Variants in FBXW5 observed in about 807,000 individuals in gnomAD.
The protein encoded by FBXW5 is F-box/WD repeat-containing protein 5.
FBXW5 carries 74 observed loss-of-function variants against 50.9 expected under a neutral mutation model. The observed-to-expected ratio is 1.45, with a 90% CI of 1.20 to 1.76. The LOEUF is 1.76. FBXW5 is among the 40% of genes most tolerant of loss of function. The pLI is 0.00. For missense variants in FBXW5, 1,073 were observed against 818.8 expected (o/e 1.31, Z -3.79); for synonymous variants, 523 against 362.2 (o/e 1.44, Z -5.04).
chr9:136,943,261 C>A lies in FBXW5; in HGVS notation c.351+88G>T, dbSNP rs570708813. On this transcript the variant is annotated intron_variant, in intron 3 of 8. Transcript: ENST00000325285. ...CTGGCCTGACCCACCCCCCCCCCCACCACCACCTGGTTGGAACGCCTGGGT... is the reference window on the plus strand; with the variant it reads ...CTGGCCTGACCCACCCCCCCCCCCAACACCACCTGGTTGGAACGCCTGGGT... 3.2e-4 allele frequency: 432 copies of A among 1,362,970 alleles called. No homozygotes were observed. The African/African-American group carries it at 6.1e-3, about 19-fold the overall frequency. The allele number at this position is 1,362,970 out of a possible 1,614,324, so 84.4% of individuals were successfully genotyped here.
At chr9:136,943,064 A>C (rs886831224) in intron 3 of FBXW5, 121 bp from the exon 4 acceptor site, 130 of 1,465,244 alleles carry the variant, frequency 8.9e-5, no homozygotes, top group East Asian at 7.7e-4. Flanking sequence ...GGGAGCAGGG[A>C]CCCCTTCCAG....
chr9:136,941,048 G>A lies in FBXW5; in HGVS notation c.1581C>T (p.Leu527=). ...TGATGGTGGCGTCGTCGCTGGCCGT[G>A]AGCAGCAGCTCCTGCTCCTGGGGAC... ...VFSPQEQELL[L]TASDDATIKA... The change falls in exon 9 of 9, where the codon CTC becomes CTT. Residue 527 remains leucine, a synonymous_variant. Transcript: ENST00000325285. 4 of 1,555,900 alleles carry A rather than the reference G, an allele frequency of 2.6e-6. No homozygotes were observed. The highest frequency in any genetic ancestry group is 3.5e-6 in the Non-Finnish European group (4 of 1,149,674).
chr9:136,940,884 A>G lies in FBXW5; in HGVS notation c.*44T>C, dbSNP rs746417588. 2.1e-5 allele frequency: 33 copies of G among 1,551,312 alleles called. 1 individual carries two copies. The Admixed American group carries it at 4.4e-4, about 21-fold the overall frequency. Reference sequence around the variant, plus strand: ...CGGGAAAAAGCCACAGAGCCTGGCGATGTCCTCAAGGGGTCCCGGTGGCTC... The same window carrying G: ...CGGGAAAAAGCCACAGAGCCTGGCGGTGTCCTCAAGGGGTCCCGGTGGCTC... On this transcript the variant is annotated 3_prime_UTR_variant, in exon 9 of 9. Coordinates refer to ENST00000325285, the MANE Select transcript of FBXW5 (RefSeq NM_018998.4).
chr9:136,943,883 C>A lies in FBXW5; in HGVS notation c.193+8G>T. 6.5e-7 allele frequency: 1 copy of A among 1,549,556 alleles called. No homozygotes were observed. Among genetic ancestry groups the A allele is most frequent in the Non-Finnish European group, 8.7e-7 (1 of 1,146,656 alleles). On this transcript the variant is annotated splice_region_variant and intron_variant, in intron 2 of 8. Coordinates refer to ENST00000325285, the MANE Select transcript of FBXW5 (RefSeq NM_018998.4). The stretch of plus-strand genomic sequence containing the variant: ...AGAACGTGGGTAGGGGCCCCACACG[C>A]CACTGACCTGGGTGTCGGGGCACGT...
chr9:136,942,997 C>T (rs1355817218), intron 3 of FBXW5, 54 bp from the exon 4 acceptor site: 2 of 1,607,514 alleles, frequency 1.2e-6, no homozygotes, highest in Non-Finnish European at 1.7e-6. Flanking sequence ...GGGGCGGGGG[C>T]CTGCTACTAC....
chr9:136,941,307 C>G lies in FBXW5; in HGVS notation c.1401G>C (p.Thr467=), dbSNP rs138768587. 7.5e-6 allele frequency: 12 copies of G among 1,609,706 alleles called. No homozygotes were observed. Among genetic ancestry groups the G allele is most frequent in the Middle Eastern group, 1.6e-4 (1 of 6,062 alleles). The change falls in exon 8 of 9, where the codon ACG becomes ACC. Residue 467 remains threonine (T), a synonymous_variant. Transcript: ENST00000325285. ...RRALRAHRAY[T]PNDECFFIFL... ...AGATGAAGAAGCACTCGTCGTTGGG[C>G]GTGTAGGCGCGGTGCGCACGCAGAG...
At chr9:136,942,526 C>T (rs560698042) in intron 5 of FBXW5, 21 bp downstream of exon 5, 58 of 1,603,348 alleles carry the variant, frequency 3.6e-5, no homozygotes, top group South Asian at 2.5e-4. Flanking sequence ...AGGGCAGCCC[C>T]GCCCCTAGCC....
At chr9:136,943,195 CTG>C (rs1448037926) in intron 3 of FBXW5, among the ~76,000 whole-genome samples, 152 bp downstream of exon 3, 1 of 152,094 alleles carries the variant, frequency 6.6e-6, no homozygotes, top group African/African-American at 2.4e-5. Context: ...TCCTGATCCT[CTG>C]TGGTCCCTCC....
intron 1 of FBXW5, 140 bp from the exon 2 acceptor site, chr9:136,944,246 C>T: frequency 3.1e-6 from 3 of 976,608 alleles, no homozygotes; most frequent in Middle Eastern, 3.4e-4. Flanking sequence ...GGTACCGCCG[C>T]CCAACCAAGG....
At chr9:136,943,005 TAC>T (rs1318623611) in intron 3 of FBXW5, 62 bp from the exon 4 acceptor site, 1 of 1,605,018 alleles carries the variant, frequency 6.2e-7, no homozygotes, top group African/African-American at 1.3e-5. Flanking sequence ...GGCCTGCTAC[TAC>T]ACAGCCATGA....
rs773385908 is a variant in FBXW5, at chr9:136,941,147, G to A, written c.1482C>T (p.Tyr494=). Residue 494 remains tyrosine, a synonymous_variant, in exon 9 of 9, where the codon TAC becomes TAT. Coordinates refer to ENST00000325285, the MANE Select transcript of FBXW5 (RefSeq NM_018998.4). ...AGATGTTGTAGTGGCGGTCCCAGAT[G>A]TAGCCGTGCCGGTCCTCCGCCCCGC... ...VASGAEDRHG[Y]IWDRHYNICL... is the part of the protein sequence containing the mutation. 12 of 1,597,130 alleles carry A rather than the reference G, an allele frequency of 7.5e-6. No homozygotes were observed. The highest frequency in any genetic ancestry group is 6.8e-5 in the Admixed American group (4 of 58,622).
At chr9:136,943,763 C>A in intron 2 of FBXW5, 128 bp downstream of exon 2, 1 of 1,153,074 alleles carries the variant, frequency 8.7e-7, no homozygotes, top group Non-Finnish European at 1.2e-6. Flanking sequence ...AGGCCTCTAT[C>A]AGGGTGTGGG....
Position 136,940,537 on chromosome 9 carries a change from C to T in FBXW5, c.*391G>A, listed in dbSNP as rs983892355. 4.2e-5 allele frequency: 11 copies of T among 264,854 alleles called. No homozygotes were observed. The highest frequency in any genetic ancestry group is 9.4e-5 in the Admixed American group (2 of 21,216). 16.4% of individuals were successfully genotyped at this position (264,854 alleles called of 1,614,324 possible). The stretch of plus-strand genomic sequence containing the variant: ...TGACCGGCCGCTCCCAAGCCCCGGG[C>T]GCACAACCACAGCCAGGAGCAGCCC... On this transcript the variant is annotated 3_prime_UTR_variant, in exon 9 of 9. Transcript: ENST00000325285.
intron 1 of FBXW5, 194 bp from the exon 2 acceptor site, chr9:136,944,300 G>A: frequency 3.0e-6 from 2 of 659,572 alleles, no homozygotes; most frequent in African/African-American, 1.9e-5. Flanking sequence ...TCTCCGCCGC[G>A]TCATCCCCCG....
rs1850818670 is a variant in FBXW5 at position 136,942,463 on chromosome 9, C to T, written c.679G>A (p.Val227Met). 1.3e-6 allele frequency: 2 copies of T among 1,599,438 alleles called. No individual in the cohort carries two copies. Among genetic ancestry groups the T allele is most frequent in the South Asian group, 2.2e-5 (2 of 90,584 alleles). Residue 227 changes from valine (V) to methionine (M), a missense_variant, in exon 6 of 9, where the codon GTG (valine) becomes ATG (methionine). By Grantham distance (21) the Val-to-Met change is conservative. Transcript: ENST00000325285. ...VLWLNNAFQD[V>M]ESENVNVVKR... is the part of the protein sequence containing the mutation. ...ACCACGTTGACGTTCTCTGACTCCA[C>T]ATCCTGGGGGCGGGGGCACGTGCCA...
rs754600763 is a variant in FBXW5, at chr9:136,942,798, G to A, written c.497C>T (p.Ser166Leu). ...SGVFLGPHNSSSGEIAVISLD... is the reference protein window; with the variant it reads ...SGVFLGPHNSLSGEIAVISLD... The stretch of plus-strand genomic sequence containing the variant: ...GCTGATGACAGCAATCTCGCCGGAT[G>A]AGGAGTTGTGCGGCCCCAGGAACAC... Residue 166 changes from serine to leucine, a missense_variant, in exon 4 of 9, where the codon TCA becomes TTA. Physicochemically the swap from Ser to Leu is moderately radical, Grantham distance 145. Coordinates refer to ENST00000325285, the MANE Select transcript of FBXW5 (RefSeq NM_018998.4). 3 of 1,613,002 alleles carry A rather than the reference G, an allele frequency of 1.9e-6. No individual in the cohort carries two copies. The highest frequency in any genetic ancestry group is 2.5e-6 in the Non-Finnish European group (3 of 1,179,910).
intron 3 of FBXW5, 148 bp from the exon 4 acceptor site, chr9:136,943,091 G>A (rs972517763): frequency 2.3e-5 from 30 of 1,285,082 alleles, no homozygotes; most frequent in Middle Eastern, 5.1e-4. Context: ...TCATCCACTC[G>A]GGGGGCATTG....
chr9:136,943,042 CAG>C (rs1394438322), intron 3 of FBXW5, 99 bp from the exon 4 acceptor site: 7 of 1,565,088 alleles, frequency 4.5e-6, no homozygotes, highest in African/African-American at 1.3e-5. Flanking sequence ...CAGCCCTACT[CAG>C]AGGCCACCAG....
At position 136,942,040 on chromosome 9, in the gene FBXW5, G is replaced by T. The variant is rs752567365; in HGVS notation, c.1096+6C>A. 15 of 1,600,834 alleles carry T rather than the reference G, an allele frequency of 9.4e-6. No homozygotes were observed. Among genetic ancestry groups the T allele is most frequent in the East Asian group, 2.2e-5 (1 of 44,550 alleles). On this transcript the variant is annotated splice_donor_region_variant and intron_variant, in intron 6 of 8. Coordinates refer to ENST00000325285, the MANE Select transcript of FBXW5 (RefSeq NM_018998.4). ...CGAGGCGGGCAGCATGGCGGCAGGGGTGTACCGATCTGGTGTGGGGAGTAG... is the reference window on the plus strand; with the variant it reads ...CGAGGCGGGCAGCATGGCGGCAGGGTTGTACCGATCTGGTGTGGGGAGTAG...
Sources: allele counts gnomAD v4.1 joint callset (sites outside exome capture counted in the v4.1 genomes callset), GRCh38; gene constraint gnomAD v4.1.1; transcripts MANE v1.5; gene names NCBI Gene and HGNC (gene_info 2026-07-23, HGNC 2026-07-21).